MTHFD1L: variants seen among roughly 807,000 people sequenced by gnomAD.
The protein encoded by MTHFD1L is methylenetetrahydrofolate dehydrogenase (NADP+ dependent) 1 like.
MTHFD1L carries 81 observed loss-of-function variants against 119.5 expected under a neutral mutation model. That is an observed-to-expected ratio of 0.68 (90% CI 0.57 to 0.82). The LOEUF (loss-of-function observed/expected upper bound fraction) is 0.82. MTHFD1L is among the 40% of genes least tolerant of loss of function. The pLI, the probability that MTHFD1L is intolerant of heterozygous loss-of-function variation, is 0.00. For missense variants in MTHFD1L, 1,125 were observed against 1,253.4 expected (o/e 0.90, Z 1.55); for synonymous variants, 430 against 475.2 (o/e 0.90, Z 1.24).
At chr6:151,087,208 T>C (rs7382344) in intron 26 of MTHFD1L, among the ~76,000 whole-genome samples, 4,930 of 151,934 alleles carry the variant, frequency 0.032, 165 homozygotes, top group Admixed American at 0.11. Context: ...GAGATCACGC[T>C]GCTGCAGTCC....
chr6:151,095,635 GGGC>G (rs1289870400), intron 27 of MTHFD1L, among the ~76,000 whole-genome samples: 3 of 152,232 alleles, frequency 2.0e-5, no homozygotes, highest in African/African-American at 7.2e-5. Context: ...GGGGCCTGCA[GGGC>G]AGGACACAGG....
intron 21 of MTHFD1L, among the ~76,000 whole-genome samples, chr6:151,012,000 T>TCAACAACAA (rs773521876): frequency 0.034 from 2,138 of 63,626 alleles, 195 homozygotes; most frequent in Middle Eastern, 0.048. Flanking sequence ...AAAGTCCATC[T>TCAACAACAA]CAACAACAAC....
At chr6:150,920,887 C>T (rs1386923821) in intron 9 of MTHFD1L, among the ~76,000 whole-genome samples, 1 of 151,484 alleles carries the variant, frequency 6.6e-6, no homozygotes, top group Non-Finnish European at 1.5e-5. Flanking sequence ...ATTCTCCTGC[C>T]TCAGCCTCCT....
intron 26 of MTHFD1L, among the ~76,000 whole-genome samples, chr6:151,052,216 T>C (rs1466263573): frequency 6.6e-6 from 1 of 152,162 alleles, no homozygotes. Context: ...ATCAGACAGT[T>C]AGAAATCAAT....
intron 20 of MTHFD1L, among the ~76,000 whole-genome samples, chr6:150,978,658 C>A (rs1391496155): frequency 6.6e-6 from 1 of 152,108 alleles, no homozygotes; most frequent in African/African-American, 2.4e-5. Context: ...TAAAAACGCC[C>A]CCGTTTCTGA....
At chr6:151,040,092 A>G (rs1025851929) in intron 26 of MTHFD1L, among the ~76,000 whole-genome samples, 2 of 152,126 alleles carry the variant, frequency 1.3e-5, no homozygotes, top group African/African-American at 4.8e-5. Flanking sequence ...AGGGGAGGTG[A>G]GGGGTGACGG....
chr6:150,929,633 G>C (rs1210745320), intron 11 of MTHFD1L, among the ~76,000 whole-genome samples: 1 of 152,220 alleles, frequency 6.6e-6, no homozygotes, highest in Non-Finnish European at 1.5e-5. Context: ...TGGGGTTACA[G>C]CCAATGCAGT....
rs998295582 is a variant in MTHFD1L at position 150,871,626 on chromosome 6, T to C, written c.228-4464T>C. On this transcript the variant is annotated intron_variant, in intron 1 of 27. Transcript: ENST00000367321. ...AAGTGATTCTCCTGCCTCAGCCTCC[T>C]GAGTAGCTGAGACTACAGGCGCCTG... is the stretch of plus-strand genomic sequence containing the variant. Among the ~76,000 whole-genome samples, 8 of 147,926 alleles carry C rather than the reference T, an allele frequency of 5.4e-5. No homozygotes were observed. The South Asian group carries it at 1.8e-3, about 33-fold the overall frequency.
chr6:150,993,025 GCAAA>G (rs1274807439), intron 20 of MTHFD1L, among the ~76,000 whole-genome samples: 1 of 152,162 alleles, frequency 6.6e-6, no homozygotes, highest in Non-Finnish European at 1.5e-5. Context: ...GAGTGTTTAT[GCAAA>G]CAAAGATGCT....
At chr6:151,013,033 T>C (rs1212448075) in intron 21 of MTHFD1L, among the ~76,000 whole-genome samples, 1 of 152,060 alleles carries the variant, frequency 6.6e-6, no homozygotes, top group Non-Finnish European at 1.5e-5. Context: ...ACACGCAAAA[T>C]AATGTTTGAA....
intron 26 of MTHFD1L, among the ~76,000 whole-genome samples, chr6:151,077,097 C>A (rs568551193): frequency 6.6e-6 from 1 of 152,236 alleles, no homozygotes; most frequent in Non-Finnish European, 1.5e-5. Flanking sequence ...TCCAATAAGA[C>A]AGAAGAAACC....
In MTHFD1L at chr6:150,919,659, A is replaced by G. The variant is rs569217133; in HGVS notation, c.984+991A>G. On this transcript the variant is annotated intron_variant, in intron 9 of 27. Coordinates refer to ENST00000367321, the MANE Select transcript of MTHFD1L (RefSeq NM_015440.5). Reference sequence around the variant, plus strand: ...TCACAAGGCGGGAACAGGAGCAGAGAGTGAGGGATGGTGCTATATACTTTT... The same window carrying G: ...TCACAAGGCGGGAACAGGAGCAGAGGGTGAGGGATGGTGCTATATACTTTT... 2.0e-5 allele frequency among the ~76,000 whole-genome samples: 3 copies of G among 152,296 alleles called. 1 individual carries two copies. Among genetic ancestry groups the G allele is most frequent in the East Asian group, 3.9e-4 (2 of 5,176 alleles).
chr6:150,965,162 A>C, intron 19 of MTHFD1L, 125 bp downstream of exon 19: 2 of 764,576 alleles, frequency 2.6e-6, no homozygotes, highest in Non-Finnish European at 4.4e-6. Flanking sequence ...TTGCAATCTC[A>C]GGCAGAAAGA....
chr6:150,914,486 C>A (rs1024409425), intron 8 of MTHFD1L, among the ~76,000 whole-genome samples: 1 of 152,042 alleles, frequency 6.6e-6, no homozygotes, highest in East Asian at 1.9e-4. Flanking sequence ...AGTGAGACCC[C>A]GTCTCTATAA....
chr6:150,991,390 C>A (rs145821522), intron 20 of MTHFD1L, among the ~76,000 whole-genome samples: 1 of 152,110 alleles, frequency 6.6e-6, no homozygotes, highest in East Asian at 1.9e-4. Context: ...AATAATATAT[C>A]TCCAATTTGT....
At chr6:151,022,557 A>C (rs1289599765) in intron 24 of MTHFD1L, among the ~76,000 whole-genome samples, 16 of 152,188 alleles carry the variant, frequency 1.1e-4, no homozygotes. Flanking sequence ...TGCCTTTTAC[A>C]TTTCACAGTA....
intron 4 of MTHFD1L, among the ~76,000 whole-genome samples, chr6:150,878,120 T>C (rs1258417826): frequency 6.6e-6 from 1 of 152,238 alleles, no homozygotes; most frequent in Non-Finnish European, 1.5e-5. Flanking sequence ...GCGAGGAAAC[T>C]GGACCTTGGA....
chr6:150,968,613 G>A (rs1472849887), intron 19 of MTHFD1L, among the ~76,000 whole-genome samples: 2 of 151,920 alleles, frequency 1.3e-5, no homozygotes, highest in African/African-American at 4.8e-5. Flanking sequence ...AGGTTCAAGC[G>A]ATTCTCTTGC....
chr6:150,949,933 G>A (rs1794603485), intron 16 of MTHFD1L, among the ~76,000 whole-genome samples: 1 of 152,144 alleles, frequency 6.6e-6, no homozygotes, highest in South Asian at 2.1e-4. Context: ...TATGAACCCT[G>A]TGCAACTGCA....
Sources: gnomAD v4.1 joint callset for allele counts (sites outside exome capture counted in the v4.1 genomes callset) on GRCh38, gnomAD v4.1.1 for gene constraint, MANE v1.5 for transcripts, NCBI Gene and HGNC (gene_info 2026-07-23, HGNC 2026-07-21) for gene names.